Variants in DMD observed in about 807,000 individuals in gnomAD.
DMD encodes mutant dystrophin.
DMD carries 63 observed loss-of-function variants against 330.1 expected under a neutral mutation model. That is an observed-to-expected ratio of 0.19 (90% CI 0.16 to 0.24). DMD has a LOEUF of 0.24. Among genes scored for constraint, DMD ranks in the 10% least tolerant of loss-of-function variants. The pLI is 1.00. For synonymous variants in DMD, 1,223 were observed against 959.8 expected, an observed-to-expected ratio of 1.27 and a Z score of -5.07; for missense variants, 3,344 against 2,684.1, an observed-to-expected ratio of 1.25 and a Z score of -5.43.
intron 44 of DMD, among the ~76,000 whole-genome samples, chrX:32,187,016 G>GT (rs1311445313): frequency 1.0e-4 from 11 of 109,991 alleles, no homozygotes; most frequent in Non-Finnish European, 1.3e-4. Flanking sequence ...AAAATTAAAA[G>GT]TTTTTTTTAA....
intron 60 of DMD, among the ~76,000 whole-genome samples, chrX:31,359,776 A>G (rs1310696892): frequency 8.9e-6 from 1 of 111,980 alleles, no homozygotes; most frequent in Non-Finnish European, 1.9e-5. Flanking sequence ...CTATGAGGAA[A>G]GTACACCATA....
chrX:32,265,877 C>T (rs1403430965), intron 43 of DMD, among the ~76,000 whole-genome samples: 1 of 111,860 alleles, frequency 8.9e-6, no homozygotes, highest in Non-Finnish European at 1.9e-5. Flanking sequence ...TTTTATGGCT[C>T]CTAGGCAGAA....
Position 33,137,951 on chromosome X carries a change from C to T in DMD, c.31+73331G>A, listed in dbSNP as rs763412168. Among the ~76,000 whole-genome samples the T allele has an allele frequency of 2.7e-5, 3 of 111,817 alleles. No individual in the cohort carries two copies. In the South Asian group the frequency reaches 1.1e-3, roughly 42 times the overall value. On this transcript the variant is annotated intron_variant, in intron 1 of 78. Transcript: ENST00000357033. ...ATGAATATAGTTGAGATTTTCCTTG[C>T]TATGTGATAGGTACTGGTCTAAGTG...
chrX:31,302,448 T>G (rs958521532), intron 62 of DMD, among the ~76,000 whole-genome samples: 1 of 111,827 alleles, frequency 8.9e-6, no homozygotes, highest in African/African-American at 3.2e-5. Context: ...TTCACTCTTA[T>G]AGTTTCCAGC....
intron 7 of DMD, among the ~76,000 whole-genome samples, chrX:32,722,605 A>G (rs770189669): frequency 9.0e-6 from 1 of 110,953 alleles, no homozygotes; most frequent in East Asian, 2.8e-4. Context: ...ATATTTTCCC[A>G]TATATTTACC....
chrX:32,203,957 T>C (rs1253791228), intron 44 of DMD, among the ~76,000 whole-genome samples: 2 of 111,818 alleles, frequency 1.8e-5, no homozygotes, highest in Admixed American at 9.5e-5. Flanking sequence ...ATGTCTCAAC[T>C]TTACTGATGA....
chrX:32,213,816 A>C (rs2097102206), intron 44 of DMD, among the ~76,000 whole-genome samples: 1 of 111,067 alleles, frequency 9.0e-6, no homozygotes, highest in Non-Finnish European at 1.9e-5. Context: ...TCTACTAAAA[A>C]TACAAAAATT....
intron 1 of DMD, among the ~76,000 whole-genome samples, chrX:33,100,186 T>C (rs773751013): frequency 9.0e-5 from 10 of 111,674 alleles, no homozygotes; most frequent in African/African-American, 3.2e-4. Context: ...GTATCAGTTC[T>C]ACAGCAAAAC....
chrX:32,408,424 T>C (rs1024971282), intron 30 of DMD, among the ~76,000 whole-genome samples: 12 of 112,374 alleles, frequency 1.1e-4, no homozygotes, highest in Non-Finnish European at 2.1e-4. Flanking sequence ...TCTACTTTTA[T>C]ATATAACAAG....
chrX:32,425,216 C>T (rs183559560), intron 29 of DMD, among the ~76,000 whole-genome samples: 106 of 111,335 alleles, frequency 9.5e-4, no homozygotes, highest in African/African-American at 3.2e-3. Flanking sequence ...GTTCTCCTTT[C>T]TCCCAACCCC....
chrX:32,178,161 G>C (rs1418534113), intron 44 of DMD, among the ~76,000 whole-genome samples: 1 of 104,116 alleles, frequency 9.6e-6, no homozygotes, highest in East Asian at 3.0e-4. Context: ...CTACCTTATG[G>C]CCAGAACATT....
chrX:32,713,770 T>C (rs2065413208), intron 7 of DMD, among the ~76,000 whole-genome samples: 1 of 111,821 alleles, frequency 8.9e-6, no homozygotes, highest in Admixed American at 9.6e-5. Context: ...TTTGTGGGCA[T>C]GTGAGTGTGT....
chrX:33,033,336 T>C (rs190926521), intron 1 of DMD, among the ~76,000 whole-genome samples: 35 of 109,087 alleles, frequency 3.2e-4, no homozygotes, highest in Admixed American at 2.9e-3. Flanking sequence ...TCCCTCAGTG[T>C]ACATTGCCAA....
At chrX:32,264,962 C>T (rs1004377062) in intron 43 of DMD, among the ~76,000 whole-genome samples, 1 of 112,079 alleles carries the variant, frequency 8.9e-6, no homozygotes, top group Admixed American at 9.4e-5. Context: ...AAATTTGCAG[C>T]CTGAAGATGC....
At position 32,573,859 on chromosome X, in the gene DMD, C is replaced by T; in HGVS notation, c.1603-13G>A. 1 of 1,167,387 alleles carries T rather than the reference C, an allele frequency of 8.6e-7. No homozygotes were observed. Among genetic ancestry groups the T allele is most frequent in the Non-Finnish European group, 1.2e-6 (1 of 855,764 alleles). ...GATCTCCCAATACCTGGAGAAGAGA[C>T]AATCAAGCACAGCATCAGCAAACAA... On this transcript the variant is annotated splice_polypyrimidine_tract_variant and intron_variant, in intron 13 of 78. Coordinates refer to ENST00000357033, the MANE Select transcript of DMD (RefSeq NM_004006.3).
intron 78 of DMD, among the ~76,000 whole-genome samples, chrX:31,122,325 G>A (rs1256268510): frequency 9.0e-6 from 1 of 111,383 alleles, no homozygotes; most frequent in African/African-American, 3.3e-5. Context: ...GTGATTGATT[G>A]ATTACTTACT....
chrX:32,573,802 G>T lies in DMD; in HGVS notation c.1647C>A (p.Asp549Glu), dbSNP rs1411322098. The T allele has an allele frequency of 5.8e-6, 7 of 1,211,467 alleles. No individual in the cohort carries two copies. In the South Asian group the frequency reaches 1.2e-4, roughly 21 times the overall value. Residue 549 changes from aspartate (D) to glutamate (E), a missense_variant, in exon 14 of 79, where the codon GAC (aspartate) becomes GAA (glutamate). Physicochemically the swap from Asp to Glu is conservative, Grantham distance 45. Coordinates refer to ENST00000357033, the MANE Select transcript of DMD (RefSeq NM_004006.3). ...GGATGTCTTGTAAAAGAACCCAGCG[G>T]TCTTCTGTCCATCTACAGATGTTTG... ...RWANICRWTE[D>E]RWVLLQDILL... is the part of the protein sequence containing the mutation.
At chrX:32,513,907 G>A (rs1052560338) in intron 18 of DMD, among the ~76,000 whole-genome samples, 4 of 110,939 alleles carry the variant, frequency 3.6e-5, no homozygotes, top group East Asian at 2.8e-4. Context: ...TTAATCAGGA[G>A]AAAGCAGTAT....
intron 2 of DMD, among the ~76,000 whole-genome samples, chrX:32,887,734 C>T (rs1319701264): frequency 3.3e-5 from 1 of 30,001 alleles, no homozygotes; most frequent in Non-Finnish European, 5.4e-5. Context: ...GGTGACAAAG[C>T]AAGACTGTCT....
Sources: gnomAD v4.1 joint callset for allele counts (sites outside exome capture counted in the v4.1 genomes callset) on GRCh38, gnomAD v4.1.1 for gene constraint, MANE v1.5 for transcripts, NCBI Gene and HGNC (gene_info 2026-07-23, HGNC 2026-07-21) for gene names.